The following SMC1B variants were observed in gnomAD, a reference collection of about 807,000 sequenced individuals.
SMC1B encodes the protein structural maintenance of chromosomes 1B, also known as structural maintenance of chromosomes protein 1B.
A neutral mutation model predicts 157.9 loss-of-function variants in SMC1B; 60 were observed. The ratio of observed to expected loss-of-function variants is 0.38; its 90% CI spans 0.31 to 0.47. The LOEUF (loss-of-function observed/expected upper bound fraction) is 0.47, where lower values mean the gene tolerates loss of function less well. Among genes scored for constraint, SMC1B ranks in the 20% least tolerant of loss-of-function variants. The probability of loss-of-function intolerance (pLI) is 0.99; values close to 1 mark genes in which losing one functional copy is unlikely to be tolerated. For synonymous variants in SMC1B, 445 were observed against 483.0 expected (o/e 0.92, Z 1.03); for missense variants, 1,165 against 1,426.2 (o/e 0.82, Z 2.95).
intron 12 of SMC1B, among the ~76,000 whole-genome samples, chr22:45,382,525 A>G (rs1602074786): frequency 6.6e-6 from 1 of 152,336 alleles, no homozygotes; most frequent in East Asian, 1.9e-4. Flanking sequence ...AAAATGTTCT[A>G]TGTCATGAGT....
At position 45,372,273 on chromosome 22, in the gene SMC1B, C is replaced by A. The variant is rs200002280; in HGVS notation, c.2078G>T (p.Arg693Leu). Residue 693 changes from arginine to leucine, a missense_variant, in exon 13 of 25, where the codon CGC becomes CTC. Arg to Leu is a moderately radical substitution (Grantham distance 102). Coordinates refer to ENST00000357450, the MANE Select transcript of SMC1B (RefSeq NM_148674.5). ...QELKGLMKTL[R>L]KETDLKQIQT... Reference sequence around the variant, plus strand: ...TATTTGTTTCAAATCTGTTTCTTTGCGGAGTGTCTTCATTAAACCCTAAAA... The same window carrying A: ...TATTTGTTTCAAATCTGTTTCTTTGAGGAGTGTCTTCATTAAACCCTAAAA... 1 of 1,602,036 alleles carries A rather than the reference C, an allele frequency of 6.2e-7. No homozygotes were observed. Among genetic ancestry groups the A allele is most frequent in the Non-Finnish European group, 8.5e-7 (1 of 1,175,738 alleles).
chr22:45,364,597 C>T (rs1378193043), intron 15 of SMC1B, among the ~76,000 whole-genome samples: 4 of 152,150 alleles, frequency 2.6e-5, no homozygotes, highest in Admixed American at 6.5e-5. Context: ...GACAGGGGGA[C>T]AACAGAATCC....
chr22:45,413,557 A>G lies in SMC1B; in HGVS notation c.11T>C (p.Leu4Pro). MAH[L>P]ELLLVENFKS... is the part of the protein sequence containing the mutation. ...GAAATTTTCCACAAGCAGCAGCTCC[A>G]GGTGGGCCATGGCGCCGCCCTCCAC... Residue 4 changes from leucine (L) to proline (P), a missense_variant, in exon 1 of 25, where the codon CTG (leucine) becomes CCG (proline). Coordinates refer to ENST00000357450, the MANE Select transcript of SMC1B (RefSeq NM_148674.5). 2 of 1,607,966 alleles carry G rather than the reference A, an allele frequency of 1.2e-6. No individual in the cohort carries two copies. Among genetic ancestry groups the G allele is most frequent in the Non-Finnish European group, 1.7e-6 (2 of 1,177,202 alleles).
At chr22:45,373,988 A>G (rs942601441) in intron 12 of SMC1B, among the ~76,000 whole-genome samples, 1 of 152,108 alleles carries the variant, frequency 6.6e-6, no homozygotes, top group African/African-American at 2.4e-5. Flanking sequence ...AAGGTGAACA[A>G]TTTTTGTCTA....
intron 6 of SMC1B, among the ~76,000 whole-genome samples, chr22:45,398,209 G>A (rs1211492289): frequency 6.6e-6 from 1 of 152,214 alleles, no homozygotes; most frequent in Admixed American, 6.5e-5. Flanking sequence ...TTGCCTGGGT[G>A]CCACTGTGTT....
chr22:45,383,744 T>C (rs1054803799), intron 11 of SMC1B, 131 bp from the exon 12 acceptor site: 12 of 705,532 alleles, frequency 1.7e-5, no homozygotes, highest in African/African-American at 1.7e-4. Context: ...ACTAATAAAA[T>C]ATCTAGTTTA....
At chr22:45,385,131 TG>T (rs2086977444) in intron 11 of SMC1B, among the ~76,000 whole-genome samples, 1 of 152,166 alleles carries the variant, frequency 6.6e-6, no homozygotes, top group African/African-American at 2.4e-5. Flanking sequence ...ATTACATGTA[TG>T]TAAAGAGATT....
At position 45,406,545 on chromosome 22, in the gene SMC1B, T is replaced by G; in HGVS notation, c.530A>C (p.Lys177Thr). Residue 177 changes from lysine to threonine, a missense_variant, in exon 4 of 25, where the codon AAA (lysine) becomes ACA (threonine). By Grantham distance (78) the Lys-to-Thr change is moderately conservative (BLOSUM62 -1). Transcript: ENST00000357450. ...EYEEKKRKLQ[K>T]AEEDAQFNFN... ...GTTAAACTGTGCATCCTCTTCGGCT[T>G]TTTGTAACTTTCTTTTCTTTTCTTC... The G allele has an allele frequency of 6.2e-7, 1 of 1,613,360 alleles. No individual in the cohort carries two copies. Among genetic ancestry groups the G allele is most frequent in the Non-Finnish European group, 8.5e-7 (1 of 1,179,924 alleles).
chr22:45,365,812 T>C (rs923959215), intron 15 of SMC1B, among the ~76,000 whole-genome samples: 1 of 152,098 alleles, frequency 6.6e-6, no homozygotes, highest in Admixed American at 6.5e-5. Flanking sequence ...ATAAACCCTA[T>C]AATTATCTAG....
At chr22:45,377,236 T>A (rs1347551728) in intron 12 of SMC1B, among the ~76,000 whole-genome samples, 1 of 152,252 alleles carries the variant, frequency 6.6e-6, no homozygotes, top group Non-Finnish European at 1.5e-5. Context: ...TAGCTTTTTT[T>A]TCCTTCATTA....
chr22:45,354,946 C>T lies in SMC1B; in HGVS notation c.3118+13G>A. ...ATGAATATAATCTTGTTAGTGACTA[C>T]ACTCAATTTTACCATCTGTGGACTC... On this transcript the variant is annotated intron_variant, in intron 20 of 24. Coordinates refer to ENST00000357450, the MANE Select transcript of SMC1B (RefSeq NM_148674.5). 1 of 1,612,816 alleles carries T rather than the reference C, an allele frequency of 6.2e-7. No individual in the cohort carries two copies.
chr22:45,400,316 C>A (rs1047138189), intron 5 of SMC1B, among the ~76,000 whole-genome samples: 1 of 151,932 alleles, frequency 6.6e-6, no homozygotes, highest in Non-Finnish European at 1.5e-5. Flanking sequence ...GTAGAAGATA[C>A]TTATCTTCTA....
intron 12 of SMC1B, among the ~76,000 whole-genome samples, chr22:45,379,531 C>T (rs930881625): frequency 2.0e-5 from 3 of 152,026 alleles, no homozygotes; most frequent in African/African-American, 4.8e-5. Context: ...TGTCCCCCTG[C>T]GTCCAATATA....
chr22:45,357,163 T>C (rs983775369), intron 19 of SMC1B, among the ~76,000 whole-genome samples: 1 of 152,258 alleles, frequency 6.6e-6, no homozygotes, highest in African/African-American at 2.4e-5. Context: ...TTCATTTTCC[T>C]TTCACTAGCA....
chr22:45,400,545 G>A (rs544909498), intron 5 of SMC1B, among the ~76,000 whole-genome samples: 7 of 152,252 alleles, frequency 4.6e-5, no homozygotes, highest in Non-Finnish European at 1.0e-4. Context: ...TAATTAAGTA[G>A]AGACAAATCT....
In SMC1B at chr22:45,362,068, C is replaced by G. The variant is rs2086727203; in HGVS notation, c.2563-84G>C. On this transcript the variant is annotated intron_variant, in intron 16 of 24. Transcript: ENST00000357450. ...TATGTTCTTATCAATAACACCAAAC[C>G]AGTTATCCCGAGATGAACCTTCTCA... 13 of 1,374,930 alleles carry G rather than the reference C, an allele frequency of 9.5e-6. No homozygotes were observed. The South Asian group carries it at 1.8e-4, about 19-fold the overall frequency. 85.2% of individuals were successfully genotyped at this position (1,374,930 alleles called of 1,614,324 possible). A position where few individuals can be genotyped will look rare whatever the true frequency, so the allele number is the denominator to read the frequency against.
At chr22:45,396,589 AG>A in intron 6 of SMC1B, 103 bp from the exon 7 acceptor site, 2 of 941,176 alleles carry the variant, frequency 2.1e-6, no homozygotes, top group Non-Finnish European at 3.0e-6. Flanking sequence ...TCTTCCCAAA[AG>A]CTTGCTTTAT....
chr22:45,362,275 C>A (rs2086729273), intron 16 of SMC1B, among the ~76,000 whole-genome samples: 2 of 152,218 alleles, frequency 1.3e-5, no homozygotes, highest in Admixed American at 6.5e-5. Context: ...TTTCTGCTAT[C>A]ATGATCTCTG....
intron 23 of SMC1B, among the ~76,000 whole-genome samples, chr22:45,345,910 G>A (rs567514250): frequency 2.6e-5 from 4 of 152,136 alleles, no homozygotes; most frequent in Admixed American, 6.5e-5. Context: ...GTATTTAAAC[G>A]TATAACCTCC....
Sources: allele counts gnomAD v4.1 joint callset (sites outside exome capture counted in the v4.1 genomes callset), GRCh38; gene constraint gnomAD v4.1.1; transcripts MANE v1.5; gene names NCBI Gene and HGNC (gene_info 2026-07-23, HGNC 2026-07-21).